Variants in TULP4 observed in about 807,000 individuals in gnomAD.
TULP4 encodes the protein TUB like protein 4, also known as tubby-related protein 4.
Under a neutral mutation model 129.0 loss-of-function variants are expected in TULP4, and 16 were observed. The observed-to-expected ratio is 0.12, with a 90% CI of 0.08 to 0.19. The LOEUF is 0.19. TULP4 is among the 10% of genes least tolerant of loss of function. The probability of loss-of-function intolerance (pLI) is 1.00; values close to 1 mark genes in which losing one functional copy is unlikely to be tolerated. For missense variants in TULP4, 1,842 were observed against 2,059.1 expected (o/e 0.89, Z 2.04); for synonymous variants, 998 against 854.0 (o/e 1.17, Z -2.94).
chr6:158,506,433 G>A (rs534898141), intron 13 of TULP4, 145 bp from the exon 14 acceptor site: 40 of 673,116 alleles, frequency 5.9e-5, no homozygotes, highest in Admixed American at 3.9e-4. Context: ...GGGTTTCACC[G>A]TGTTAGCCAG....
At chr6:158,393,429 C>G (rs1266874001) in intron 1 of TULP4, among the ~76,000 whole-genome samples, 2 of 152,214 alleles carry the variant, frequency 1.3e-5, no homozygotes, top group African/African-American at 4.8e-5. Flanking sequence ...GGGCTCCAAC[C>G]CCACATTTCC....
At chr6:158,243,858 G>A (rs1170483586) in intron 1 of TULP4, among the ~76,000 whole-genome samples, 3 of 150,354 alleles carry the variant, frequency 2.0e-5, no homozygotes, top group Non-Finnish European at 3.0e-5. Context: ...GTGTGTGTGT[G>A]TGTGTGTGTG....
chr6:158,239,628 C>A (rs1248962939), intron 1 of TULP4, among the ~76,000 whole-genome samples: 1 of 63,888 alleles, frequency 1.6e-5, no homozygotes, highest in African/African-American at 5.3e-5. Context: ...GGCGGCTGGC[C>A]GGGTGGGGGG....
At chr6:158,287,309 TG>T (rs1778850237) in intron 1 of TULP4, among the ~76,000 whole-genome samples, 1 of 152,246 alleles carries the variant, frequency 6.6e-6, no homozygotes, top group Non-Finnish European at 1.5e-5. Flanking sequence ...TGTAGTTTAT[TG>T]GCCTATAAAA....
At chr6:158,272,574 C>T (rs1229822404) in intron 1 of TULP4, among the ~76,000 whole-genome samples, 2 of 152,178 alleles carry the variant, frequency 1.3e-5, no homozygotes, top group Non-Finnish European at 2.9e-5. Context: ...ACAATTAACT[C>T]ACTGAAATCC....
At chr6:158,329,253 A>C (rs1779820101) in intron 1 of TULP4, among the ~76,000 whole-genome samples, 1 of 152,154 alleles carries the variant, frequency 6.6e-6, no homozygotes, top group Non-Finnish European at 1.5e-5. Flanking sequence ...GATTTGGTCT[A>C]CTAAAATACA....
In TULP4 at chr6:158,486,510, G is replaced by A. The variant is rs565462671; in HGVS notation, c.1487-3078G>A. On this transcript the variant is annotated intron_variant, in intron 8 of 13. Transcript: ENST00000367097. ...GGAGCTTGCAGTGAGCCGAGATCGC[G>A]CCACTGCACTCCAGCCTGGGTGACA... Among the ~76,000 whole-genome samples the A allele has an allele frequency of 5.0e-4, 76 of 152,042 alleles. 1 individual carries two copies. The highest frequency in any genetic ancestry group is 1.7e-3 in the African/African-American group (70 of 41,480).
intron 1 of TULP4, among the ~76,000 whole-genome samples, chr6:158,245,998 G>C (rs561692497): frequency 2.0e-5 from 3 of 150,754 alleles, no homozygotes; most frequent in Non-Finnish European, 4.4e-5. Context: ...ATGATTGACC[G>C]TGAGTAATTT....
intron 1 of TULP4, among the ~76,000 whole-genome samples, chr6:158,249,924 A>C (rs1020261592): frequency 5.9e-5 from 9 of 152,242 alleles, no homozygotes; most frequent in African/African-American, 2.2e-4. Flanking sequence ...TTTTTGTGCA[A>C]GAAATTTGAT....
At chr6:158,251,426 AT>A (rs1384416563) in intron 1 of TULP4, among the ~76,000 whole-genome samples, 1 of 151,904 alleles carries the variant, frequency 6.6e-6, no homozygotes, top group African/African-American at 2.4e-5. Context: ...TATAACTAAT[AT>A]TTTTAATATG....
chr6:158,498,256 T>C (rs981923831), intron 11 of TULP4, among the ~76,000 whole-genome samples: 2 of 152,242 alleles, frequency 1.3e-5, no homozygotes, highest in Non-Finnish European at 2.9e-5. Flanking sequence ...TGCCCAAGCT[T>C]CCCTTGTTTG....
chr6:158,412,896 G>T (rs1778128238), intron 1 of TULP4, among the ~76,000 whole-genome samples, 169 bp from the exon 2 acceptor site: 1 of 152,144 alleles, frequency 6.6e-6, no homozygotes, highest in Non-Finnish European at 1.5e-5. Flanking sequence ...GTTCCCTGTG[G>T]ACTCTCGTGT....
At chr6:158,423,993 C>T (rs1778415184) in intron 2 of TULP4, among the ~76,000 whole-genome samples, 1 of 151,912 alleles carries the variant, frequency 6.6e-6, no homozygotes, top group African/African-American at 2.4e-5. Context: ...AAGCCAAAGA[C>T]TGGAGAAAAT....
At chr6:158,429,602 C>G (rs553434040) in intron 2 of TULP4, 134 bp from the exon 3 acceptor site, 8 of 1,001,438 alleles carry the variant, frequency 8.0e-6, no homozygotes, top group South Asian at 3.8e-5. Context: ...TTATAGCTTT[C>G]AAATAACATA....
At chr6:158,260,684 T>C (rs146047783) in intron 1 of TULP4, among the ~76,000 whole-genome samples, 2 of 151,706 alleles carry the variant, frequency 1.3e-5, no homozygotes, top group Non-Finnish European at 2.9e-5. Context: ...GGGATTTAGA[T>C]AGAGTTCTGA....
intron 1 of TULP4, among the ~76,000 whole-genome samples, chr6:158,247,973 C>A (rs1274755286): frequency 6.6e-6 from 1 of 152,204 alleles, no homozygotes; most frequent in Non-Finnish European, 1.5e-5. Context: ...GGCACAAATT[C>A]AGCTCCAGTG....
intron 6 of TULP4, among the ~76,000 whole-genome samples, chr6:158,466,101 TATG>T (rs937794428): frequency 2.0e-5 from 3 of 152,184 alleles, no homozygotes; most frequent in African/African-American, 7.2e-5. Flanking sequence ...TTGTCAGTCT[TATG>T]ATCTCTATTT....
chr6:158,233,341 C>G (rs1018553175), intron 1 of TULP4, among the ~76,000 whole-genome samples: 12 of 152,220 alleles, frequency 7.9e-5, no homozygotes, highest in Admixed American at 7.2e-4. Flanking sequence ...TAAGGATATC[C>G]TTTAAGTCAT....
chr6:158,293,288 C>A (rs1264669389), intron 1 of TULP4, among the ~76,000 whole-genome samples: 1 of 152,164 alleles, frequency 6.6e-6, no homozygotes, highest in African/African-American at 2.4e-5. Context: ...GCTGAAATGC[C>A]CACAGCCTTG....
Sources: gnomAD v4.1 joint callset for allele counts (sites outside exome capture counted in the v4.1 genomes callset) on GRCh38, gnomAD v4.1.1 for gene constraint, MANE v1.5 for transcripts, NCBI Gene and HGNC (gene_info 2026-07-23, HGNC 2026-07-21) for gene names.